The following FRK variants were observed in gnomAD, a reference collection of about 807,000 sequenced individuals.
The protein encoded by FRK is fyn related Src family tyrosine kinase.
In FRK, 51 loss-of-function variants were observed where a neutral mutation model predicts 56.4. The observed-to-expected ratio is 0.90, with a 90% CI of 0.72 to 1.14. The LOEUF (loss-of-function observed/expected upper bound fraction) is 1.14, where lower values mean the gene tolerates loss of function less well. FRK is among the 50% of genes most tolerant of loss of function. FRK has a pLI of 0.00. For missense variants in FRK, 570 were observed against 601.4 expected, an observed-to-expected ratio of 0.95 and a Z score of 0.55; for synonymous variants, 245 against 217.9, an observed-to-expected ratio of 1.12 and a Z score of -1.10.
the FRK span, among the ~76,000 whole-genome samples, chr6:116,073,557 A>C: frequency 6.6e-6 from 1 of 152,208 alleles, no homozygotes; most frequent in African/African-American, 2.4e-5. Context: ...AGCAGAAATT[A>C]TTGTTGAGAA....
At chr6:116,059,708 T>G (rs1213745536) in intron 1 of FRK, among the ~76,000 whole-genome samples, 1 of 152,172 alleles carries the variant, frequency 6.6e-6, no homozygotes, top group Non-Finnish European at 1.5e-5. Flanking sequence ...ATTAAACACA[T>G]CATTTGTTTA....
the FRK span, among the ~76,000 whole-genome samples, chr6:116,078,047 C>G: frequency 6.6e-6 from 1 of 152,166 alleles, no homozygotes; most frequent in Non-Finnish European, 1.5e-5. Context: ...GTAATCCCAG[C>G]TACTCTGGAG....
chr6:116,052,730 C>A (rs1171716945), intron 1 of FRK, among the ~76,000 whole-genome samples: 1 of 151,998 alleles, frequency 6.6e-6, no homozygotes, highest in Non-Finnish European at 1.5e-5. Context: ...GAGAGAATAG[C>A]CCATCTGAAG....
chr6:116,002,358 C>G (rs1163880530), intron 2 of FRK, among the ~76,000 whole-genome samples: 1 of 152,174 alleles, frequency 6.6e-6, no homozygotes, highest in African/African-American at 2.4e-5. Flanking sequence ...GTGACTCACG[C>G]CTGTAATCCC....
At chr6:116,084,422 T>C in the FRK span, among the ~76,000 whole-genome samples, 1 of 152,202 alleles carries the variant, frequency 6.6e-6, no homozygotes. Context: ...GGTTCACAGT[T>C]CAGCTGGGGA....
At chr6:116,097,048 T>A in the FRK span, among the ~76,000 whole-genome samples, 1 of 152,190 alleles carries the variant, frequency 6.6e-6, no homozygotes, top group Non-Finnish European at 1.5e-5. Flanking sequence ...GTAGGCTTCT[T>A]CTTCTTGTGG....
chr6:116,014,707 G>T (rs1775585793), intron 1 of FRK, among the ~76,000 whole-genome samples: 3 of 152,116 alleles, frequency 2.0e-5, no homozygotes, highest in Non-Finnish European at 4.4e-5. Context: ...TAACACAAAA[G>T]GAGTTTTAAG....
rs1019797579 is a variant in FRK at position 116,039,506 on chromosome 6, T to C, written c.344+20462A>G. On this transcript the variant is annotated intron_variant, in intron 1 of 7. Coordinates refer to ENST00000606080, the MANE Select transcript of FRK (RefSeq NM_002031.3). ...AATGCCAAACAATGAGCCCCATCCA[T>C]CTTCCCTACCCTTCCTGCCAAGCCA... 4 of 1,424,952 alleles carry C rather than the reference T, an allele frequency of 2.8e-6. No homozygotes were observed. The Admixed American group carries it at 5.0e-5, about 18-fold the overall frequency. The allele number at this position is 1,424,952 out of a possible 1,614,324, so 88.3% of individuals were successfully genotyped here.
At chr6:115,982,177 C>T (rs1260294712) in intron 2 of FRK, among the ~76,000 whole-genome samples, 1 of 152,130 alleles carries the variant, frequency 6.6e-6, no homozygotes, top group Non-Finnish European at 1.5e-5. Context: ...TGGGCAACTT[C>T]ACTCTCTCTC....
intron 5 of FRK, among the ~76,000 whole-genome samples, chr6:115,945,605 C>T (rs1772408773): frequency 6.6e-6 from 1 of 152,142 alleles, no homozygotes; most frequent in South Asian, 2.1e-4. Context: ...TAAAACAATA[C>T]TAACTTTTAT....
At chr6:115,990,227 G>T (rs1053877913) in intron 2 of FRK, among the ~76,000 whole-genome samples, 1 of 151,914 alleles carries the variant, frequency 6.6e-6, no homozygotes, top group Admixed American at 6.6e-5. Flanking sequence ...TCTGTAGGCT[G>T]CCTGTTTACT....
intron 2 of FRK, among the ~76,000 whole-genome samples, chr6:116,003,587 C>A (rs1672420839): frequency 6.6e-6 from 1 of 152,084 alleles, no homozygotes; most frequent in South Asian, 2.1e-4. Flanking sequence ...TATCATTTCC[C>A]TAAAAGAATC....
chr6:115,969,863 C>T (rs1454633071), intron 2 of FRK, among the ~76,000 whole-genome samples: 2 of 152,166 alleles, frequency 1.3e-5, no homozygotes, highest in African/African-American at 2.4e-5. Context: ...CAATTAATTA[C>T]CTTTTTGGTT....
At chr6:116,080,800 A>C in the FRK span, among the ~76,000 whole-genome samples, 1 of 152,194 alleles carries the variant, frequency 6.6e-6, no homozygotes, top group East Asian at 1.9e-4. Flanking sequence ...TTAACACTAC[A>C]ATGAGATCTA....
the FRK span, among the ~76,000 whole-genome samples, chr6:116,081,934 T>C: frequency 1.3e-5 from 2 of 152,018 alleles, no homozygotes; most frequent in Non-Finnish European, 2.9e-5. Context: ...TAATAAACAA[T>C]AATCATAATA....
chr6:116,078,344 C>T, the FRK span, among the ~76,000 whole-genome samples: 3 of 152,128 alleles, frequency 2.0e-5, no homozygotes, highest in African/African-American at 7.2e-5. Context: ...CTCCTGGGAA[C>T]AGTCCTGTTT....
At chr6:116,000,717 G>T (rs1229147871) in intron 2 of FRK, among the ~76,000 whole-genome samples, 1 of 151,992 alleles carries the variant, frequency 6.6e-6, no homozygotes, top group Non-Finnish European at 1.5e-5. Context: ...ATTTCAAAAA[G>T]ATTTTTCTTC....
At chr6:115,987,881 T>C (rs1933739) in intron 2 of FRK, among the ~76,000 whole-genome samples, 98,595 of 151,928 alleles carry the variant, frequency 0.65, 32,510 homozygotes, top group East Asian at 0.83. Context: ...ACTATAATTA[T>C]GTAAAAATGA....
chr6:116,098,818 T>A, the FRK span, among the ~76,000 whole-genome samples: 3 of 152,174 alleles, frequency 2.0e-5, no homozygotes. Flanking sequence ...GTATTTAAAC[T>A]CAGGGTTATG....
Sources: allele counts gnomAD v4.1 joint callset (sites outside exome capture counted in the v4.1 genomes callset), GRCh38; gene constraint gnomAD v4.1.1; transcripts MANE v1.5; gene names NCBI Gene and HGNC (gene_info 2026-07-23, HGNC 2026-07-21).